Variants in ZNF121 observed in about 807,000 individuals in gnomAD.
The protein encoded by ZNF121 is zinc finger protein 121, also known as zinc finger protein 121 (clone ZHC32).
A neutral mutation model predicts 2.4 loss-of-function variants in ZNF121; 1 was observed. The observed-to-expected ratio is 0.41, with a 90% CI of 0.15 to 1.94. The LOEUF (loss-of-function observed/expected upper bound fraction) is 1.94, where lower values mean the gene tolerates loss of function less well. Among genes scored for constraint, ZNF121 ranks in the 30% most tolerant of loss-of-function variants. The probability of loss-of-function intolerance (pLI) is 0.30; values close to 1 mark genes in which losing one functional copy is unlikely to be tolerated. For missense variants in ZNF121, 369 were observed against 466.3 expected (o/e 0.79, Z 1.92); for synonymous variants, 173 against 158.6 (o/e 1.09, Z -0.68).
At chr19:9,574,418 T>C (rs2074196227) in intron 1 of ZNF121, among the ~76,000 whole-genome samples, 2 of 152,068 alleles carry the variant, frequency 1.3e-5, no homozygotes. Context: ...CCTCCCAAAG[T>C]GCTAGGATTA....
At position 9,568,188 on chromosome 19, in the gene ZNF121, A is replaced by G; in HGVS notation, c.-78-13T>C. 1.6e-6 allele frequency: 2 copies of G among 1,276,350 alleles called. No individual in the cohort carries two copies. Among genetic ancestry groups the G allele is most frequent in the African/African-American group, 3.0e-5 (2 of 66,642 alleles). 79.1% of individuals were successfully genotyped at this position (1,276,350 alleles called of 1,614,324 possible). ...TTAACTTGCCATTCTGAAGTAAAAC[A>G]GAAAAAAAGAAAAAAAAATAGGGTC... is the stretch of plus-strand genomic sequence containing the variant. On this transcript the variant is annotated splice_polypyrimidine_tract_variant and intron_variant, in intron 2 of 3. Coordinates refer to ENST00000320451, the MANE Select transcript of ZNF121 (RefSeq NM_001008727.5).
At chr19:9,576,460 A>T (rs1369113289) in intron 1 of ZNF121, among the ~76,000 whole-genome samples, 3 of 152,220 alleles carry the variant, frequency 2.0e-5, no homozygotes, top group African/African-American at 7.2e-5. Context: ...AAACTACAAC[A>T]TACCAAAATC....
chr19:9,577,472 GA>G (rs895511553), intron 1 of ZNF121, among the ~76,000 whole-genome samples: 21 of 139,598 alleles, frequency 1.5e-4, no homozygotes, highest in East Asian at 1.3e-3. Flanking sequence ...TAAAGAAAAA[GA>G]AAAAAAAAAG....
Position 9,578,309 on chromosome 19 carries a change from C to A in ZNF121, c.-160+6152G>T, listed in dbSNP as rs576311531. On this transcript the variant is annotated intron_variant, in intron 1 of 3. Transcript: ENST00000320451. ...CTAGGGAGGCTGAGGCAGGAGAATT[C>A]CTTGAACCTGGGAGACAGAGGTTGC... is the stretch of plus-strand genomic sequence containing the variant. Among the ~76,000 whole-genome samples the A allele has an allele frequency of 3.3e-5, 5 of 151,848 alleles. No homozygotes were observed. The South Asian group carries it at 1.0e-3, about 32-fold the overall frequency.
At chr19:9,578,380 C>G (rs754229884) in intron 1 of ZNF121, among the ~76,000 whole-genome samples, 2 of 151,040 alleles carry the variant, frequency 1.3e-5, no homozygotes, top group Admixed American at 6.6e-5. Flanking sequence ...GGAGACAGAG[C>G]GAGACTTAGT....
At chr19:9,583,322 T>C (rs573564838) in intron 1 of ZNF121, among the ~76,000 whole-genome samples, 1 of 151,684 alleles carries the variant, frequency 6.6e-6, no homozygotes, top group Admixed American at 6.6e-5. Context: ...CAGCTGTGTA[T>C]TATTGCCTTT....
chr19:9,575,585 A>G (rs2144817656), intron 1 of ZNF121, among the ~76,000 whole-genome samples: 1 of 152,112 alleles, frequency 6.6e-6, no homozygotes, highest in African/African-American at 2.4e-5. Flanking sequence ...TCTACTAAAA[A>G]TACAAAAATT....
At chr19:9,580,209 G>A (rs548546321) in intron 1 of ZNF121, among the ~76,000 whole-genome samples, 20 of 151,868 alleles carry the variant, frequency 1.3e-4, no homozygotes, top group Admixed American at 5.2e-4. Context: ...GGAGAATGGC[G>A]TGAACTCGGG....
chr19:9,570,735 T>G (rs1256477899), intron 1 of ZNF121, among the ~76,000 whole-genome samples: 1 of 109,342 alleles, frequency 9.1e-6, no homozygotes, highest in African/African-American at 4.6e-5. Flanking sequence ...CTTGGCTAAT[T>G]TTTTGCGAGG....
Position 9,566,266 on chromosome 19 carries a change from G to T in ZNF121, c.847C>A (p.Pro283Thr). 6.2e-7 allele frequency: 1 copy of T among 1,614,128 alleles called. No individual in the cohort carries two copies. Among genetic ancestry groups the T allele is most frequent in the Admixed American group, 1.7e-5 (1 of 60,012 alleles). Residue 283 changes from proline (P) to threonine (T), a missense_variant, in exon 4 of 4, where the codon CCC becomes ACC. Around this residue, in one of 4 missense-constraint regions of ZNF121, gnomAD observed 127 missense variants for 169.9 expected, o/e 0.75. Coordinates refer to ENST00000320451, the MANE Select transcript of ZNF121 (RefSeq NM_001008727.5). ...TTCCCACACTCCTTACATTTATAGG[G>T]TTTTATTCCAGTGTGAATTCTAAAG... ...NHFRIHTGIK[P>T]YKCKECGKAF...
At chr19:9,583,148 T>G (rs937999710) in intron 1 of ZNF121, among the ~76,000 whole-genome samples, 11 of 146,942 alleles carry the variant, frequency 7.5e-5, no homozygotes, top group Middle Eastern at 3.6e-3. Context: ...ACCCAGGAGG[T>G]GGAGGTTGCA....
chr19:9,579,191 A>C (rs557309770), intron 1 of ZNF121, among the ~76,000 whole-genome samples: 1 of 152,316 alleles, frequency 6.6e-6, no homozygotes, highest in East Asian at 1.9e-4. Flanking sequence ...ACAAATACTG[A>C]TGAGGATGTG....
At chr19:9,576,909 T>C (rs1204714730) in intron 1 of ZNF121, among the ~76,000 whole-genome samples, 2 of 152,074 alleles carry the variant, frequency 1.3e-5, no homozygotes, top group African/African-American at 2.4e-5. Context: ...GATTGAACCA[T>C]GAACAAACAG....
chr19:9,576,431 C>A (rs944991033), intron 1 of ZNF121, among the ~76,000 whole-genome samples: 1 of 151,940 alleles, frequency 6.6e-6, no homozygotes, highest in African/African-American at 2.4e-5. Context: ...TAAAATATTT[C>A]TTGAAACAAA....
At chr19:9,567,185 C>T (rs2074140130) in intron 3 of ZNF121, 76 bp from the exon 4 acceptor site, 1 of 1,317,214 alleles carries the variant, frequency 7.6e-7, no homozygotes, top group African/African-American at 1.5e-5. Flanking sequence ...TGAAATCAGA[C>T]AGTTTATTAT....
intron 1 of ZNF121, among the ~76,000 whole-genome samples, chr19:9,583,994 T>C (rs2074267673): frequency 6.6e-6 from 1 of 152,180 alleles, no homozygotes; most frequent in Non-Finnish European, 1.5e-5. Context: ...AGGACATCAA[T>C]GCCAGATTCT....
intron 1 of ZNF121, among the ~76,000 whole-genome samples, chr19:9,581,315 C>G (rs189905991): frequency 2.0e-5 from 3 of 152,140 alleles, no homozygotes; most frequent in Non-Finnish European, 4.4e-5. Context: ...CCCCTGTACC[C>G]TTTCCCTATT....
chr19:9,566,608 C>T lies in ZNF121; in HGVS notation c.505G>A (p.Glu169Lys), dbSNP rs766812020. ...CATTCCTTACATTCATAGGGTTTCT[C>T]CCCAGTATGGGTTCGCATGTGACTA... ...LNSHMRTHTG[E>K]KPYECKECGK... is the part of the protein sequence containing the mutation. The change falls in exon 4 of 4, where the codon GAG (glutamate) becomes AAG (lysine). Residue 169 changes from glutamate (E) to lysine (K), a missense_variant. Glu to Lys is a moderately conservative substitution (Grantham distance 56). Around this residue, in one of 4 missense-constraint regions of ZNF121, gnomAD observed 68 missense variants for 105.5 expected, o/e 0.64. Transcript: ENST00000320451. 6.2e-7 allele frequency: 1 copy of T among 1,614,200 alleles called. No homozygotes were observed. The highest frequency in any genetic ancestry group is 8.5e-7 in the Non-Finnish European group (1 of 1,180,028).
chr19:9,566,480 C>A lies in ZNF121; in HGVS notation c.633G>T (p.Gly211=). Residue 211 remains glycine, a synonymous_variant, in exon 4 of 4, where the codon GGG becomes GGT. Coordinates refer to ENST00000320451, the MANE Select transcript of ZNF121 (RefSeq NM_001008727.5). ...GTACATGTTTAGTAAGGCCTGAGCG[C>A]CCAGCGAAGGCTCTTCCACATTCCT... The part of the protein sequence containing the change: ...QCKECGRAFA[G]RSGLTKHVRI... The A allele has an allele frequency of 6.2e-7, 1 of 1,613,918 alleles. No individual in the cohort carries two copies. The highest frequency in any genetic ancestry group is 8.5e-7 in the Non-Finnish European group (1 of 1,179,924).
Sources: allele counts gnomAD v4.1 joint callset (sites outside exome capture counted in the v4.1 genomes callset), GRCh38; gene constraint gnomAD v4.1.1; regional missense constraint gnomAD v4.1.1; transcripts MANE v1.5; gene names NCBI Gene and HGNC (gene_info 2026-07-23, HGNC 2026-07-21).